The following MOB3B variants were observed in gnomAD, a reference collection of about 807,000 sequenced individuals.
The protein encoded by MOB3B is MOB kinase activator 3B, also known as MOB kinase activator-like 2B.
In MOB3B, 7 loss-of-function variants were observed where a neutral mutation model predicts 18.7. The observed-to-expected ratio is 0.37, with a 90% CI of 0.21 to 0.70. The LOEUF is 0.70. MOB3B is among the 30% of genes least tolerant of loss of function. The pLI is 0.52. For missense variants in MOB3B, 253 were observed against 281.3 expected (o/e 0.90, Z 0.72); for synonymous variants, 111 against 99.9 (o/e 1.11, Z -0.66).
intron 1 of MOB3B, among the ~76,000 whole-genome samples, chr9:27,504,736 T>C (rs972572135): frequency 2.0e-5 from 3 of 152,182 alleles, no homozygotes; most frequent in Non-Finnish European, 2.9e-5. Flanking sequence ...TCAAACCTCA[T>C]TATTCATTTC....
chr9:27,375,451 G>A (rs577348989), intron 2 of MOB3B, among the ~76,000 whole-genome samples: 1 of 152,224 alleles, frequency 6.6e-6, no homozygotes, highest in South Asian at 2.1e-4. Flanking sequence ...ATTCATAGGT[G>A]GTCCTTGAGT....
intron 1 of MOB3B, among the ~76,000 whole-genome samples, chr9:27,506,084 T>C (rs1352675610): frequency 2.0e-5 from 3 of 152,220 alleles, no homozygotes; most frequent in African/African-American, 7.2e-5. Context: ...CATTGCCTTA[T>C]TGCTGGTGTG....
At chr9:27,500,755 A>G (rs901466485) in intron 1 of MOB3B, among the ~76,000 whole-genome samples, 2 of 152,236 alleles carry the variant, frequency 1.3e-5, no homozygotes, top group Admixed American at 6.5e-5. Flanking sequence ...AATGGGATCT[A>G]ATTAAACTAA....
Position 27,524,419 on chromosome 9 carries a change from T to C in MOB3B, c.-199+5136A>G, listed in dbSNP as rs532103776. 12 of 1,614,100 alleles carry C rather than the reference T, an allele frequency of 7.4e-6. No individual in the cohort carries two copies. The South Asian group carries it at 9.9e-5, about 13-fold the overall frequency. On this transcript the variant is annotated intron_variant, in intron 1 of 3. Transcript: ENST00000262244. ...ATATTCATTGCTGGCACCCTATCCC[T>C]GGACTGTAACTTACTGAACGTTCAC...
intron 1 of MOB3B, among the ~76,000 whole-genome samples, chr9:27,479,334 T>G (rs1479846824): frequency 6.6e-6 from 1 of 152,178 alleles, no homozygotes; most frequent in Non-Finnish European, 1.5e-5. Context: ...ATAATGGCAT[T>G]AATCCATTCA....
At chr9:27,367,887 C>A (rs1413207957) in intron 2 of MOB3B, among the ~76,000 whole-genome samples, 1 of 152,182 alleles carries the variant, frequency 6.6e-6, no homozygotes, top group Non-Finnish European at 1.5e-5. Context: ...CCTGGCCAAT[C>A]CTTTGGGACC....
intron 1 of MOB3B, among the ~76,000 whole-genome samples, chr9:27,476,979 C>T (rs974584304): frequency 1.1e-4 from 17 of 152,090 alleles, no homozygotes; most frequent in Non-Finnish European, 1.9e-4. Flanking sequence ...AGGATGCTTC[C>T]GCTCACCCTC....
rs1054016206 is a variant in MOB3B at position 27,380,890 on chromosome 9, C to A, written c.419-21654G>T. ...CAAAGAAGATGTCTGGGGCTTTCCA[C>A]ACTGCCTAAGGAAGTTCAATTTAAC... On this transcript the variant is annotated intron_variant, in intron 2 of 3. Coordinates refer to ENST00000262244, the MANE Select transcript of MOB3B (RefSeq NM_024761.5). 3.9e-4 allele frequency among the ~76,000 whole-genome samples: 59 copies of A among 152,312 alleles called. 1 individual carries two copies. The highest frequency in any genetic ancestry group is 6.2e-4 in the South Asian group (3 of 4,824).
intron 1 of MOB3B, among the ~76,000 whole-genome samples, chr9:27,522,619 T>C (rs985834187): frequency 4.0e-5 from 6 of 151,884 alleles, no homozygotes; most frequent in African/African-American, 1.4e-4. Context: ...TATTTATTGC[T>C]GAACATTAAA....
intron 1 of MOB3B, among the ~76,000 whole-genome samples, chr9:27,475,298 C>G (rs539266740): frequency 1.3e-5 from 2 of 152,364 alleles, no homozygotes; most frequent in South Asian, 4.1e-4. Context: ...GCAGCCTCAG[C>G]CTTGGGAGAG....
chr9:27,520,308 C>T (rs1398484558), intron 1 of MOB3B, among the ~76,000 whole-genome samples: 1 of 152,170 alleles, frequency 6.6e-6, no homozygotes, highest in African/African-American at 2.4e-5. Context: ...GCTAACCAGC[C>T]CTCCCTCTGA....
intron 1 of MOB3B, among the ~76,000 whole-genome samples, chr9:27,505,275 G>C (rs1278906981): frequency 6.6e-6 from 1 of 152,216 alleles, no homozygotes; most frequent in African/African-American, 2.4e-5. Flanking sequence ...ATCTGTGTCC[G>C]TACCTAGACC....
chr9:27,522,259 A>G (rs1392958202), intron 1 of MOB3B, among the ~76,000 whole-genome samples: 11 of 144,054 alleles, frequency 7.6e-5, no homozygotes, highest in Middle Eastern at 7.1e-3. Context: ...AAAAAAAAAA[A>G]AAAAAAAGAA....
At chr9:27,490,200 GGC>G (rs1819795052) in intron 1 of MOB3B, among the ~76,000 whole-genome samples, 1 of 152,124 alleles carries the variant, frequency 6.6e-6, no homozygotes, top group Non-Finnish European at 1.5e-5. Flanking sequence ...GGTGAACTAA[GGC>G]TCATGCCTTC....
chr9:27,389,006 A>G (rs1188353617), intron 2 of MOB3B, among the ~76,000 whole-genome samples: 1 of 152,198 alleles, frequency 6.6e-6, no homozygotes, highest in Non-Finnish European at 1.5e-5. Context: ...TGAATTCTCC[A>G]CACAATGGTC....
chr9:27,514,400 C>G (rs1343164453), intron 1 of MOB3B, among the ~76,000 whole-genome samples: 2 of 143,388 alleles, frequency 1.4e-5, no homozygotes, highest in African/African-American at 5.1e-5. Flanking sequence ...ATTCCTATAT[C>G]TGGAACTATT....
chr9:27,442,142 TAATA>T (rs1045060196), intron 2 of MOB3B, among the ~76,000 whole-genome samples: 43 of 152,298 alleles, frequency 2.8e-4, no homozygotes, highest in Admixed American at 2.5e-3. Context: ...CTTTCTCAAT[TAATA>T]AATATTTTTA....
chr9:27,343,187 G>A (rs1383194441), intron 3 of MOB3B, among the ~76,000 whole-genome samples: 1 of 151,580 alleles, frequency 6.6e-6, no homozygotes, highest in African/African-American at 2.4e-5. Flanking sequence ...CCAACCCCGT[G>A]CTCTCTGAAA....
chr9:27,517,658 A>AAT, intron 1 of MOB3B, among the ~76,000 whole-genome samples: 1 of 150,832 alleles, frequency 6.6e-6, no homozygotes, highest in East Asian at 1.9e-4. Context: ...AAAAAAAAAA[A>AAT]AAAAAAAAAA....
Sources: gnomAD v4.1 joint callset for allele counts (sites outside exome capture counted in the v4.1 genomes callset) on GRCh38, gnomAD v4.1.1 for gene constraint, MANE v1.5 for transcripts, NCBI Gene and HGNC (gene_info 2026-07-23, HGNC 2026-07-21) for gene names.